Variants in TBCD observed in about 807,000 individuals in gnomAD.
TBCD encodes tubulin-specific chaperone D.
TBCD carries 105 observed loss-of-function variants against 169.3 expected under a neutral mutation model. The observed-to-expected ratio is 0.62, with a 90% CI of 0.53 to 0.73. TBCD has a LOEUF of 0.73. Among genes scored for constraint, TBCD ranks in the 30% least tolerant of loss-of-function variants. The pLI, the probability that TBCD is intolerant of heterozygous loss-of-function variation, is 0.00. For missense variants in TBCD, 1,444 were observed against 1,600.1 expected, an observed-to-expected ratio of 0.90 and a Z score of 1.66; for synonymous variants, 700 against 643.9, an observed-to-expected ratio of 1.09 and a Z score of -1.32.
intron 6 of TBCD, among the ~76,000 whole-genome samples, chr17:82,773,137 T>C (rs1215557702): frequency 2.0e-5 from 3 of 152,184 alleles, no homozygotes; most frequent in Non-Finnish European, 4.4e-5. Flanking sequence ...GTTGACATTT[T>C]CCCCCTCTGC....
In TBCD at chr17:82,903,451, C is replaced by T; in HGVS notation, c.1777C>T (p.Gln593Ter). 6.2e-7 allele frequency: 1 copy of T among 1,601,592 alleles called. No individual in the cohort carries two copies. Among genetic ancestry groups the T allele is most frequent in the Non-Finnish European group, 8.5e-7 (1 of 1,174,174 alleles). Reference protein sequence around the residue: ...AARALHNLAQQAPEFSATQVF... With the variant: ...AARALHNLAQ ...GAGGGCGCTGCACAACCTGGCCCAG[C>T]AGGCACCCGAGTTCAGCGCCACGCA... Residue 593 changes from glutamine to a stop codon, truncating the protein, a stop_gained, in exon 19 of 39, where the codon CAG (glutamine) becomes TAG (stop). Transcript: ENST00000355528. LOFTEE classifies it high-confidence loss of function. The surrounding 1 kb of genome is among the most constrained non-coding windows in gnomAD (Gnocchi z 4.8).
intron 13 of TBCD, among the ~76,000 whole-genome samples, chr17:82,818,357 T>C (rs668133): frequency 0.016 from 2,361 of 152,314 alleles, 61 homozygotes; most frequent in African/African-American, 0.054. Context: ...GATCCCATCT[T>C]GGGGCTGACT....
chr17:82,930,510 T>C lies in TBCD; in HGVS notation c.2992-12T>C. On this transcript the variant is annotated splice_polypyrimidine_tract_variant and intron_variant, in intron 32 of 38. Coordinates refer to ENST00000355528, the MANE Select transcript of TBCD (RefSeq NM_005993.5). This position sits in a 1 kb window ranked among gnomAD's most constrained non-coding sequence, Gnocchi z 5.2. ...GGGTCCCACTGCCTTCTGAGGTGTC[T>C]CCGTGTTGCAGATCCGGCACTCCAC... 1 of 1,611,718 alleles carries C rather than the reference T, an allele frequency of 6.2e-7. No individual in the cohort carries two copies. Among genetic ancestry groups the C allele is most frequent in the South Asian group, 1.1e-5 (1 of 90,592 alleles).
chr17:82,752,425 G>A, intron 1 of TBCD, 48 bp downstream of exon 1: 1 of 1,187,888 alleles, frequency 8.4e-7, no homozygotes, highest in Non-Finnish European at 1.0e-6. Context: ...GCCCGGGTTC[G>A]GCGCGCTGAG....
chr17:82,930,608 T>C lies in TBCD; in HGVS notation c.3078T>C (p.Leu1026=), dbSNP rs2062117358. The change falls in exon 33 of 39, where the codon CTT becomes CTC. Residue 1026 remains leucine (L), a synonymous_variant. Transcript: ENST00000355528. The surrounding 1 kb of genome is among the most constrained non-coding windows in gnomAD (Gnocchi z 5.2). ...CCCTGGGCAGCTTCAGCGGGACCCT[T>C]CTGCAGATCTTTGAGGACAACCTTC... ...PQALGSFSGT[L]LQIFEDNLLN... 2 of 1,613,964 alleles carry C rather than the reference T, an allele frequency of 1.2e-6. No homozygotes were observed. The highest frequency in any genetic ancestry group is 1.7e-6 in the Non-Finnish European group (2 of 1,179,872).
At chr17:82,887,809 G>A (rs1599244106) in intron 15 of TBCD, among the ~76,000 whole-genome samples, 2 of 152,286 alleles carry the variant, frequency 1.3e-5, no homozygotes, top group South Asian at 2.1e-4. Context: ...GTGATACGTC[G>A]TTGTGGTCTT....
chr17:82,813,353 A>AC (rs1488046358), intron 12 of TBCD, among the ~76,000 whole-genome samples: 9 of 150,362 alleles, frequency 6.0e-5, no homozygotes, highest in South Asian at 4.2e-4. Flanking sequence ...CTCCTCTGAG[A>AC]CCCCCCCTGT....
chr17:82,935,188 C>T (rs930908554), intron 34 of TBCD, among the ~76,000 whole-genome samples: 11 of 152,164 alleles, frequency 7.2e-5, no homozygotes, highest in African/African-American at 2.7e-4. Flanking sequence ...GATTTTGAAG[C>T]GTGTTTGTGG....
intron 13 of TBCD, among the ~76,000 whole-genome samples, chr17:82,836,971 G>T (rs2054039628): frequency 1.3e-5 from 2 of 152,166 alleles, no homozygotes; most frequent in Non-Finnish European, 2.9e-5. Flanking sequence ...TTGCTCGAAG[G>T]GAATTGGTGT....
intron 6 of TBCD, among the ~76,000 whole-genome samples, chr17:82,775,913 C>A (rs549401367): frequency 3.2e-4 from 48 of 152,052 alleles, no homozygotes; most frequent in South Asian, 6.3e-4. Flanking sequence ...TAAAAAAAAA[C>A]CCCTTTAATA....
At chr17:82,828,991 C>T (rs548687968) in intron 13 of TBCD, among the ~76,000 whole-genome samples, 1 of 128,558 alleles carries the variant, frequency 7.8e-6, no homozygotes, top group African/African-American at 2.9e-5. Flanking sequence ...ATATACCCAC[C>T]CCCACAATCA....
rs550553816 is a variant in TBCD at position 82,783,893 on chromosome 17, G to A, written c.771+2172G>A. Among the ~76,000 whole-genome samples, 3 of 152,278 alleles carry A rather than the reference G, an allele frequency of 2.0e-5. No homozygotes were observed. In the East Asian group the frequency reaches 5.8e-4, roughly 29 times the overall value. On this transcript the variant is annotated intron_variant, in intron 7 of 38. Transcript: ENST00000355528. ...TAATCCCAGCACTTTGGGAGGCCGA[G>A]GCAGGCAGATTACTTGAGGTCGGGA...
At chr17:82,879,735 G>A (rs963882688) in intron 14 of TBCD, among the ~76,000 whole-genome samples, 1 of 152,184 alleles carries the variant, frequency 6.6e-6, no homozygotes, top group African/African-American at 2.4e-5. Context: ...TCCCCAGTCT[G>A]CTCCCCAACC....
intron 13 of TBCD, among the ~76,000 whole-genome samples, chr17:82,862,370 C>T (rs534779870): frequency 5.9e-5 from 9 of 151,708 alleles, no homozygotes; most frequent in East Asian, 2.0e-4. Context: ...AGCCTCTCGG[C>T]GGAGGAAGCC....
chr17:82,914,421 C>T (rs148214341), intron 23 of TBCD, among the ~76,000 whole-genome samples: 14 of 152,242 alleles, frequency 9.2e-5, no homozygotes, highest in African/African-American at 2.9e-4. Flanking sequence ...TGGGGGGCAT[C>T]GTGGAGAAGG....
Position 82,823,923 on chromosome 17 carries a change from G to A in TBCD, c.1318+8989G>A, listed in dbSNP as rs116495404. 8.8e-3 allele frequency among the ~76,000 whole-genome samples: 1,337 copies of A among 151,824 alleles called. 15 individuals are homozygous for A. Among genetic ancestry groups the A allele is most frequent in the African/African-American group, 0.031 (1,292 of 41,412 alleles). On this transcript the variant is annotated intron_variant, in intron 13 of 38. Transcript: ENST00000355528. ...ATCACCCCAGATTAAGAAGTCACTC[G>A]CCCCTGATGCTCCTTCCCTTCAACC... is the stretch of plus-strand genomic sequence containing the variant.
intron 6 of TBCD, among the ~76,000 whole-genome samples, chr17:82,773,767 C>G (rs1208488452): frequency 6.6e-6 from 1 of 151,824 alleles, no homozygotes; most frequent in African/African-American, 2.4e-5. Flanking sequence ...CACTTTGTCT[C>G]CCAGGCTGGA....
intron 21 of TBCD, among the ~76,000 whole-genome samples, chr17:82,908,095 C>T (rs1264863355): frequency 6.6e-6 from 1 of 152,224 alleles, no homozygotes; most frequent in Non-Finnish European, 1.5e-5. Flanking sequence ...CCAGCATGTC[C>T]TTGGTCTCTG....
intron 13 of TBCD, chr17:82,860,490 A>C (rs2056668914): frequency 1.0e-6 from 1 of 964,800 alleles, no homozygotes; most frequent in African/African-American, 1.8e-5. Flanking sequence ...GGAGATCCTG[A>C]GGCTGATTAA....
Sources: allele counts gnomAD v4.1 joint callset (sites outside exome capture counted in the v4.1 genomes callset), GRCh38; gene constraint gnomAD v4.1.1; non-coding constraint Gnocchi (gnomAD v3.1); transcripts MANE v1.5; gene names NCBI Gene and HGNC (gene_info 2026-07-23, HGNC 2026-07-21).